GPC6: variants seen among roughly 807,000 people sequenced by gnomAD.
GPC6 encodes glypican-6.
Under a neutral mutation model 55.2 loss-of-function variants are expected in GPC6, and 14 were observed. The ratio of observed to expected loss-of-function variants is 0.25; its 90% confidence interval spans 0.17 to 0.40. GPC6 has a LOEUF of 0.40. GPC6 is among the 10% of genes least tolerant of loss of function. The pLI, the probability that GPC6 is intolerant of heterozygous loss-of-function variation, is 1.00. For synonymous variants in GPC6, 278 were observed against 259.6 expected (o/e 1.07, Z -0.68); for missense variants, 641 against 708.5 (o/e 0.90, Z 1.08).
chr13:93,730,722 T>G (rs1168667022), intron 2 of GPC6, among the ~76,000 whole-genome samples: 1 of 152,194 alleles, frequency 6.6e-6, no homozygotes, highest in Non-Finnish European at 1.5e-5. Flanking sequence ...TCAGGTTGAA[T>G]AGTCAACTAG....
intron 2 of GPC6, among the ~76,000 whole-genome samples, chr13:93,653,853 T>C (rs1467844674): frequency 6.6e-6 from 1 of 152,042 alleles, no homozygotes; most frequent in East Asian, 1.9e-4. Context: ...TCAAAGAAAT[T>C]CATAAAAATA....
intron 4 of GPC6, among the ~76,000 whole-genome samples, chr13:94,063,818 T>C (rs1884420827): frequency 6.6e-6 from 1 of 152,194 alleles, no homozygotes; most frequent in Non-Finnish European, 1.5e-5. Flanking sequence ...ACTTCACATT[T>C]CAGCATTACA....
chr13:94,092,509 A>G (rs1885525267), intron 4 of GPC6, among the ~76,000 whole-genome samples: 1 of 152,148 alleles, frequency 6.6e-6, no homozygotes, highest in Non-Finnish European at 1.5e-5. Context: ...TATATATACC[A>G]CATTTTCTTT....
intron 4 of GPC6, among the ~76,000 whole-genome samples, chr13:94,246,716 A>G (rs146948768): frequency 1.2e-3 from 183 of 152,116 alleles, no homozygotes; most frequent in Non-Finnish European, 1.7e-3. Flanking sequence ...CCACTGGTCT[A>G]TGTGTCTGTT....
At chr13:94,068,937 A>T (rs1431721230) in intron 4 of GPC6, among the ~76,000 whole-genome samples, 1 of 152,140 alleles carries the variant, frequency 6.6e-6, no homozygotes, top group Non-Finnish European at 1.5e-5. Flanking sequence ...CTATCAGTGG[A>T]TCTACCATTC....
chr13:93,425,919 C>A (rs1324165015), intron 1 of GPC6, among the ~76,000 whole-genome samples: 2 of 152,128 alleles, frequency 1.3e-5, no homozygotes, highest in African/African-American at 4.8e-5. Context: ...CAGCCCACGG[C>A]TTTATTTCCT....
chr13:94,065,215 A>G (rs1019309799), intron 4 of GPC6, among the ~76,000 whole-genome samples: 2 of 152,170 alleles, frequency 1.3e-5, no homozygotes, highest in African/African-American at 4.8e-5. Flanking sequence ...CCAATTTGCA[A>G]TGGAAAAGGA....
At chr13:94,073,205 T>G (rs1196186479) in intron 4 of GPC6, among the ~76,000 whole-genome samples, 1 of 152,138 alleles carries the variant, frequency 6.6e-6, no homozygotes, top group Non-Finnish European at 1.5e-5. Context: ...GATTCTGAAG[T>G]AAAGCAGTGG....
chr13:93,497,095 C>G (rs7982949), intron 1 of GPC6, among the ~76,000 whole-genome samples: 45,130 of 152,064 alleles, frequency 0.3, 7,202 homozygotes, highest in East Asian at 0.65. Context: ...GCCTGACTCT[C>G]TATGGTTGAT....
At chr13:93,258,343 G>T (rs1163218298) in intron 1 of GPC6, among the ~76,000 whole-genome samples, 1 of 152,130 alleles carries the variant, frequency 6.6e-6, no homozygotes, top group Non-Finnish European at 1.5e-5. Context: ...ACTCATGGAG[G>T]TTTCAGCATT....
intron 3 of GPC6, among the ~76,000 whole-genome samples, chr13:93,885,676 G>A (rs1252200508): frequency 6.6e-6 from 1 of 152,136 alleles, no homozygotes; most frequent in Non-Finnish European, 1.5e-5. Context: ...GAGGTTTATG[G>A]TAATTCACTG....
intron 3 of GPC6, among the ~76,000 whole-genome samples, chr13:93,840,811 T>TA (rs1887927536): frequency 6.6e-6 from 1 of 152,102 alleles, no homozygotes; most frequent in Admixed American, 6.6e-5. Context: ...ACGGGTGAAA[T>TA]ATGCCAATTA....
chr13:93,692,347 T>C (rs1034661181), intron 2 of GPC6, among the ~76,000 whole-genome samples: 1 of 152,132 alleles, frequency 6.6e-6, no homozygotes, highest in African/African-American at 2.4e-5. Flanking sequence ...TCAGCATTTG[T>C]TTGATGACTA....
intron 3 of GPC6, among the ~76,000 whole-genome samples, chr13:93,843,023 A>G (rs1854485344): frequency 6.6e-6 from 1 of 151,424 alleles, no homozygotes; most frequent in African/African-American, 2.4e-5. Flanking sequence ...GTTTGATATT[A>G]AATTCTACTT....
At chr13:93,624,115 T>TC (rs1879088987) in intron 2 of GPC6, among the ~76,000 whole-genome samples, 1 of 43,358 alleles carries the variant, frequency 2.3e-5, no homozygotes, top group Non-Finnish European at 6.3e-5. Flanking sequence ...AAATTTCAAC[T>TC]TTTTTTTTTT....
intron 4 of GPC6, among the ~76,000 whole-genome samples, chr13:94,179,717 C>A (rs16949580): frequency 0.15 from 23,476 of 152,084 alleles, 1,951 homozygotes; most frequent in Middle Eastern, 0.22. Context: ...TGAGAAAGCA[C>A]AACAGGAGGA....
At chr13:93,683,331 T>C (rs1257002279) in intron 2 of GPC6, among the ~76,000 whole-genome samples, 1 of 152,086 alleles carries the variant, frequency 6.6e-6, no homozygotes, top group Non-Finnish European at 1.5e-5. Flanking sequence ...AAAATTAATC[T>C]TGTCAAAGAG....
Position 93,666,778 on chromosome 13 carries a change from A to G in GPC6, c.319+121357A>G, listed in dbSNP as rs561159606. The stretch of plus-strand genomic sequence containing the variant: ...TGTGTTAAAAGGATGTACGCCATCA[A>G]CAATAGACATATGATAAATCATTTT... On this transcript the variant is annotated intron_variant, in intron 2 of 8. Coordinates refer to ENST00000377047, the MANE Select transcript of GPC6 (RefSeq NM_005708.5). 8.3e-4 allele frequency among the ~76,000 whole-genome samples: 127 copies of G among 152,318 alleles called. No individual in the cohort carries two copies. The Middle Eastern group carries it at 0.014, about 16-fold the overall frequency.
intron 1 of GPC6, among the ~76,000 whole-genome samples, chr13:93,469,412 A>T (rs1295500690): frequency 6.6e-6 from 1 of 152,182 alleles, no homozygotes; most frequent in Admixed American, 6.5e-5. Flanking sequence ...CATTGCAGAT[A>T]TTAATATTTT....
Sources: gnomAD v4.1 joint callset for allele counts (sites outside exome capture counted in the v4.1 genomes callset) on GRCh38, gnomAD v4.1.1 for gene constraint, MANE v1.5 for transcripts, NCBI Gene and HGNC (gene_info 2026-07-23, HGNC 2026-07-21) for gene names.